Variants in GABRG3 observed in about 807,000 individuals in gnomAD.
GABRG3 encodes the protein gamma-aminobutyric acid type A receptor subunit gamma3.
A neutral mutation model predicts 48.8 loss-of-function variants in GABRG3; 25 were observed. The observed-to-expected ratio is 0.51, with a 90% CI of 0.37 to 0.72. GABRG3 has a LOEUF of 0.72. GABRG3 is among the 30% of genes least tolerant of loss of function. The pLI is 0.00. For missense variants in GABRG3, 394 were observed against 577.9 expected (o/e 0.68, Z 3.26); for synonymous variants, 227 against 217.6 (o/e 1.04, Z -0.38).
chr15:27,254,714 CCTT>C (rs912782079), intron 3 of GABRG3, among the ~76,000 whole-genome samples: 8 of 152,042 alleles, frequency 5.3e-5, no homozygotes, highest in Non-Finnish European at 1.2e-4. Context: ...AAAGGCCCTT[CCTT>C]CTTCTAAAAT....
At chr15:27,297,187 G>A (rs1892021478) in intron 3 of GABRG3, among the ~76,000 whole-genome samples, 1 of 152,138 alleles carries the variant, frequency 6.6e-6, no homozygotes, top group Non-Finnish European at 1.5e-5. Context: ...TTTTAAGCTA[G>A]ATATAACAAA....
chr15:27,070,013 A>G (rs935726876), intron 3 of GABRG3, among the ~76,000 whole-genome samples: 3 of 152,252 alleles, frequency 2.0e-5, no homozygotes, highest in Non-Finnish European at 4.4e-5. Flanking sequence ...AGAGGCAGGA[A>G]GAGAAGTGAA....
In GABRG3 at chr15:27,504,960, G is replaced by A. The variant is rs773526803; in HGVS notation, c.713-15012G>A. ...TGTTAATATTTTACTTTGCCATAGCGAGGTTATCAAAACTAAAAAATTAAC... is the reference window on the plus strand; with the variant it reads ...TGTTAATATTTTACTTTGCCATAGCAAGGTTATCAAAACTAAAAAATTAAC... On this transcript the variant is annotated intron_variant, in intron 6 of 9. Coordinates refer to ENST00000615808, the MANE Select transcript of GABRG3 (RefSeq NM_033223.5). Among the ~76,000 whole-genome samples the A allele has an allele frequency of 1.4e-3, 213 of 152,028 alleles. 3 individuals are homozygous for A. Among genetic ancestry groups the A allele is most frequent in the Non-Finnish European group, 3.4e-4 (23 of 67,988 alleles).
In GABRG3 at chr15:26,976,685, G is replaced by C. The variant is rs1894953992; in HGVS notation, c.54-317G>C. 6.6e-6 allele frequency among the ~76,000 whole-genome samples: 1 copy of C among 152,094 alleles called. No individual in the cohort carries two copies. Among genetic ancestry groups the C allele is most frequent in the Non-Finnish European group, 1.5e-5 (1 of 68,020 alleles). ...CACAGGCTATCGGGGTGGATCCAAG[G>C]GTGTGTTGCCTGCTGGTTGGCCCTC... On this transcript the variant is annotated intron_variant, in intron 1 of 9. Transcript: ENST00000615808. The surrounding 1 kb of genome is among the most constrained non-coding windows in gnomAD (Gnocchi z 7.8).
intron 2 of GABRG3, among the ~76,000 whole-genome samples, chr15:26,983,495 A>T (rs1895093216): frequency 6.6e-6 from 1 of 152,204 alleles, no homozygotes; most frequent in African/African-American, 2.4e-5. Context: ...CGCTTCTCAG[A>T]TAAAGACCAA....
At chr15:27,249,495 T>A (rs1269657694) in intron 3 of GABRG3, among the ~76,000 whole-genome samples, 1 of 152,202 alleles carries the variant, frequency 6.6e-6, no homozygotes, top group East Asian at 1.9e-4. Flanking sequence ...CAGAGTACTG[T>A]CGCAGCCAGA....
chr15:27,406,312 C>T (rs1887632823), intron 5 of GABRG3, among the ~76,000 whole-genome samples: 1 of 152,128 alleles, frequency 6.6e-6, no homozygotes, highest in Non-Finnish European at 1.5e-5. Flanking sequence ...AACCCCACGC[C>T]ATTCCCACAT....
At chr15:27,520,417 A>T (rs1275740156) in intron 7 of GABRG3, among the ~76,000 whole-genome samples, 1 of 151,768 alleles carries the variant, frequency 6.6e-6, no homozygotes, top group Non-Finnish European at 1.5e-5. Flanking sequence ...CACATCCCAG[A>T]ACCTGTCAAC....
At chr15:27,097,673 T>A (rs1232704169) in intron 3 of GABRG3, among the ~76,000 whole-genome samples, 1 of 152,102 alleles carries the variant, frequency 6.6e-6, no homozygotes, top group African/African-American at 2.4e-5. Flanking sequence ...CAGTCCCCAC[T>A]GAGTGACTGG....
chr15:27,417,452 G>A (rs1887974114), intron 5 of GABRG3, among the ~76,000 whole-genome samples: 1 of 152,052 alleles, frequency 6.6e-6, no homozygotes, highest in South Asian at 2.1e-4. Flanking sequence ...CACAGCTTTG[G>A]CTGGGTGCTG....
chr15:27,509,999 C>T (rs59927862), intron 6 of GABRG3, among the ~76,000 whole-genome samples: 4,593 of 152,186 alleles, frequency 0.03, 273 homozygotes, highest in African/African-American at 0.1. Context: ...TTTCATTTTG[C>T]CCTGCTTTTA....
chr15:27,256,440 C>CAAAAA (rs532681313), intron 3 of GABRG3, among the ~76,000 whole-genome samples: 1 of 41,074 alleles, frequency 2.4e-5, no homozygotes, highest in Admixed American at 3.7e-4. Flanking sequence ...GACTCCGTCT[C>CAAAAA]AAAAAAAAAA....
chr15:27,232,674 C>G (rs1378099), intron 3 of GABRG3, among the ~76,000 whole-genome samples: 27,873 of 152,130 alleles, frequency 0.18, 3,577 homozygotes, highest in East Asian at 0.41. Flanking sequence ...TAGGAGACAA[C>G]AAGGCCTGGC....
intron 2 of GABRG3, among the ~76,000 whole-genome samples, chr15:26,981,330 G>C (rs145403804): frequency 6.6e-6 from 1 of 152,056 alleles, no homozygotes; most frequent in Non-Finnish European, 1.5e-5. Context: ...TATATGTTAC[G>C]GATTTCTAGC....
chr15:27,514,051 T>A (rs939997310), intron 6 of GABRG3, among the ~76,000 whole-genome samples: 1 of 152,198 alleles, frequency 6.6e-6, no homozygotes, highest in East Asian at 1.9e-4. Context: ...TAAATGAGGA[T>A]GCATAATTTA....
At chr15:27,033,377 A>C (rs1048151170) in intron 3 of GABRG3, among the ~76,000 whole-genome samples, 1 of 152,132 alleles carries the variant, frequency 6.6e-6, no homozygotes, top group Non-Finnish European at 1.5e-5. Context: ...ATCCCATCCT[A>C]GCCATGCATC....
chr15:27,154,309 A>G (rs1023199735), intron 3 of GABRG3, among the ~76,000 whole-genome samples: 7 of 152,146 alleles, frequency 4.6e-5, no homozygotes, highest in African/African-American at 1.7e-4. Flanking sequence ...TCAAGCAGAG[A>G]ATCTTTTTCA....
Position 27,527,996 on chromosome 15 carries a change from C to T in GABRG3, c.1122+4C>T, listed in dbSNP as rs765700942. ...AATAAGCCTACAAGCCCCTTCCGTA[C>T]GTATAGCATTGCAGGTGCCAATATT... On this transcript the variant is annotated splice_donor_region_variant and intron_variant, in intron 9 of 9. Coordinates refer to ENST00000615808, the MANE Select transcript of GABRG3 (RefSeq NM_033223.5). 2 of 1,590,424 alleles carry T rather than the reference C, an allele frequency of 1.3e-6. No individual in the cohort carries two copies. Among genetic ancestry groups the T allele is most frequent in the Non-Finnish European group, 1.7e-6 (2 of 1,165,286 alleles).
chr15:27,472,306 C>G (rs945173892), intron 5 of GABRG3, among the ~76,000 whole-genome samples: 8 of 151,994 alleles, frequency 5.3e-5, no homozygotes, highest in Middle Eastern at 3.2e-3. Flanking sequence ...AATGGAGTCT[C>G]ACTCTATTGC....
Sources: allele counts gnomAD v4.1 joint callset (sites outside exome capture counted in the v4.1 genomes callset), GRCh38; gene constraint gnomAD v4.1.1; non-coding constraint Gnocchi (gnomAD v3.1); transcripts MANE v1.5; gene names NCBI Gene and HGNC (gene_info 2026-07-23, HGNC 2026-07-21).